Variants in RIMS2 observed in about 807,000 individuals in gnomAD.
RIMS2 encodes the protein regulating synaptic membrane exocytosis protein 2.
A neutral mutation model predicts 174.4 loss-of-function variants in RIMS2; 59 were observed. That is an observed-to-expected ratio of 0.34 (90% CI 0.27 to 0.42). The LOEUF is 0.42. Ranked by LOEUF, RIMS2 falls within the 10% of genes least tolerant of loss-of-function variation. RIMS2 has a pLI of 1.00. For missense variants in RIMS2, 1,620 were observed against 1,666.3 expected, an observed-to-expected ratio of 0.97 and a Z score of 0.48; for synonymous variants, 606 against 572.5, an observed-to-expected ratio of 1.06 and a Z score of -0.84.
chr8:103,501,158 C>T, intron 1 of RIMS2, 96 bp downstream of exon 1: 1 of 988,036 alleles, frequency 1.0e-6, no homozygotes. Flanking sequence ...TCGCCGCCCT[C>T]CCTCCCGCTG....
intron 1 of RIMS2, among the ~76,000 whole-genome samples, chr8:103,640,809 G>C (rs771627598): frequency 1.3e-4 from 20 of 152,056 alleles, no homozygotes; most frequent in Non-Finnish European, 2.8e-4. Flanking sequence ...CTGGGTGCTT[G>C]AGAAGAATGT....
chr8:104,082,679 T>A (rs553257990), intron 19 of RIMS2, among the ~76,000 whole-genome samples: 1 of 152,250 alleles, frequency 6.6e-6, no homozygotes, highest in East Asian at 1.9e-4. Context: ...TTCTACATTT[T>A]AAATTTTATG....
chr8:103,647,628 A>C (rs1408281809), intron 1 of RIMS2, among the ~76,000 whole-genome samples: 1 of 152,050 alleles, frequency 6.6e-6, no homozygotes, highest in African/African-American at 2.4e-5. Flanking sequence ...TAACAGATTC[A>C]GTTTCTTCCT....
chr8:103,676,907 C>T (rs1390905194), intron 1 of RIMS2, among the ~76,000 whole-genome samples: 1 of 152,086 alleles, frequency 6.6e-6, no homozygotes, highest in Non-Finnish European at 1.5e-5. Flanking sequence ...TAGCTTGAAC[C>T]CAGAAGGCAG....
intron 3 of RIMS2, among the ~76,000 whole-genome samples, chr8:103,881,603 G>A (rs1001118297): frequency 5.9e-5 from 9 of 151,322 alleles, no homozygotes; most frequent in African/African-American, 9.7e-5. Flanking sequence ...GATTTCCTAC[G>A]CAAACTATTT....
At chr8:104,214,918 C>T (rs535276812) in intron 19 of RIMS2, among the ~76,000 whole-genome samples, 4 of 152,182 alleles carry the variant, frequency 2.6e-5, no homozygotes, top group African/African-American at 9.7e-5. Flanking sequence ...TGATGTTTGA[C>T]CTGGATCTGT....
intron 3 of RIMS2, chr8:103,819,559 CA>C (rs746987611): frequency 1.2e-6 from 2 of 1,613,520 alleles, no homozygotes; most frequent in South Asian, 1.1e-5. Context: ...ATCTCATTTT[CA>C]TGGGGTTTTT....
At chr8:103,529,607 C>T (rs940300952) in intron 1 of RIMS2, among the ~76,000 whole-genome samples, 2 of 152,220 alleles carry the variant, frequency 1.3e-5, no homozygotes, top group Non-Finnish European at 2.9e-5. Flanking sequence ...TGCTTCGGCT[C>T]ATGCTCGGTG....
intron 2 of RIMS2, among the ~76,000 whole-genome samples, chr8:103,754,546 A>G (rs1317806963): frequency 6.6e-6 from 1 of 152,072 alleles, no homozygotes; most frequent in Non-Finnish European, 1.5e-5. Flanking sequence ...GTGTCCCATT[A>G]TTATTGTGTG....
chr8:103,857,796 A>G (rs1293077376), intron 3 of RIMS2, among the ~76,000 whole-genome samples: 1 of 152,162 alleles, frequency 6.6e-6, no homozygotes, highest in Non-Finnish European at 1.5e-5. Context: ...CTCTCTTCTC[A>G]CTTTATTCCT....
intron 2 of RIMS2, among the ~76,000 whole-genome samples, 177 bp from the exon 5 acceptor site, chr8:103,716,132 T>C (rs2097365636): frequency 1.3e-5 from 2 of 152,042 alleles, no homozygotes; most frequent in Non-Finnish European, 2.9e-5. Context: ...CCTAAAATTT[T>C]TTAAAATCTA....
rs551398512 is a variant in RIMS2, at chr8:103,740,733, T to G, written c.388-25494T>G. 7.2e-5 allele frequency among the ~76,000 whole-genome samples: 11 copies of G among 152,302 alleles called. No individual in the cohort carries two copies. The East Asian group carries it at 1.5e-3, about 21-fold the overall frequency. On this transcript the variant is annotated intron_variant, in intron 2 of 23. Transcript: ENST00000504942. ...ATTCTAGCAAGTTATCAATACGACC[T>G]TTTACAGTAAAACTGTTACAGCCTC...
At chr8:104,033,367 A>T (rs2096442069) in intron 19 of RIMS2, among the ~76,000 whole-genome samples, 2 of 152,014 alleles carry the variant, frequency 1.3e-5, no homozygotes, top group African/African-American at 4.8e-5. Context: ...TGTGTGATAC[A>T]GGTTATCCTT....
At chr8:104,166,037 A>G in intron 19 of RIMS2, among the ~76,000 whole-genome samples, 1 of 149,154 alleles carries the variant, frequency 6.7e-6, no homozygotes, top group African/African-American at 2.5e-5. Flanking sequence ...ATCACTTCTC[A>G]CTGGAGTGGT....
chr8:103,554,588 C>T (rs1449675599), intron 1 of RIMS2, among the ~76,000 whole-genome samples: 1 of 152,080 alleles, frequency 6.6e-6, no homozygotes, highest in African/African-American at 2.4e-5. Context: ...TGTTGCTGGT[C>T]ATGTAAATTA....
intron 19 of RIMS2, among the ~76,000 whole-genome samples, chr8:104,187,529 T>G (rs2098974629): frequency 6.6e-6 from 1 of 151,790 alleles, no homozygotes; most frequent in Non-Finnish European, 1.5e-5. Flanking sequence ...ATATCTAGCA[T>G]AGAAATGTGA....
At chr8:103,731,248 T>C (rs1019922401) in intron 2 of RIMS2, among the ~76,000 whole-genome samples, 1 of 152,162 alleles carries the variant, frequency 6.6e-6, no homozygotes, top group African/African-American at 2.4e-5. Context: ...AAAAGGTTTT[T>C]TTTCTTTCCC....
intron 21 of RIMS2, 120 bp downstream of exon 27, chr8:104,248,933 A>ATTT (rs3072636): frequency 0.052 from 24,654 of 475,606 alleles, 365 homozygotes; most frequent in East Asian, 0.11. Flanking sequence ...CTCTCCCTCT[A>ATTT]TTTTTTTTTT....
intron 2 of RIMS2, among the ~76,000 whole-genome samples, chr8:103,724,730 T>C (rs1378909069): frequency 6.6e-6 from 1 of 152,224 alleles, no homozygotes; most frequent in Non-Finnish European, 1.5e-5. Flanking sequence ...ATTTATTGAG[T>C]AACCTATTTT....
Sources: gnomAD v4.1 joint callset for allele counts (sites outside exome capture counted in the v4.1 genomes callset) on GRCh38, gnomAD v4.1.1 for gene constraint, MANE v1.5 for transcripts, NCBI Gene and HGNC (gene_info 2026-07-23, HGNC 2026-07-21) for gene names.